SEZ6L: variants seen among roughly 807,000 people sequenced by gnomAD.
SEZ6L encodes the protein seizure 6-like protein.
In SEZ6L, 37 loss-of-function variants were observed where a neutral mutation model predicts 106.2. The ratio of observed to expected loss-of-function variants is 0.35; its 90% confidence interval spans 0.27 to 0.46. The LOEUF is 0.46. Ranked by LOEUF, SEZ6L falls within the 20% of genes least tolerant of loss-of-function variation. The pLI, the probability that SEZ6L is intolerant of heterozygous loss-of-function variation, is 1.00. For synonymous variants in SEZ6L, 541 were observed against 570.4 expected, an observed-to-expected ratio of 0.95 and a Z score of 0.73; for missense variants, 1,172 against 1,332.8, an observed-to-expected ratio of 0.88 and a Z score of 1.88.
intron 12 of SEZ6L, among the ~76,000 whole-genome samples, chr22:26,356,795 A>G (rs1289534492): frequency 6.6e-6 from 1 of 152,056 alleles, no homozygotes; most frequent in Non-Finnish European, 1.5e-5. Context: ...CCTGTTCCAC[A>G]TTGATTTTGT....
intron 1 of SEZ6L, among the ~76,000 whole-genome samples, chr22:26,272,886 T>G (rs1402798645): frequency 6.6e-6 from 1 of 152,202 alleles, no homozygotes; most frequent in Non-Finnish European, 1.5e-5. Flanking sequence ...AGTGTGTTTG[T>G]GGGTATGTGT....
At chr22:26,178,637 T>C (rs952178083) in intron 1 of SEZ6L, among the ~76,000 whole-genome samples, 2 of 152,182 alleles carry the variant, frequency 1.3e-5, no homozygotes, top group African/African-American at 4.8e-5. Flanking sequence ...GTCTCACCTA[T>C]TCCCAGTTTA....
At chr22:26,336,452 C>T (rs1010391151) in intron 9 of SEZ6L, among the ~76,000 whole-genome samples, 1 of 152,088 alleles carries the variant, frequency 6.6e-6, no homozygotes, top group African/African-American at 2.4e-5. Context: ...CCCAGACAAG[C>T]CAGACTTCAA....
At chr22:26,354,023 C>A (rs1176738339) in intron 12 of SEZ6L, among the ~76,000 whole-genome samples, 5 of 151,704 alleles carry the variant, frequency 3.3e-5, no homozygotes, top group African/African-American at 1.2e-4. Context: ...TAACTGTGAC[C>A]TTGATTGGAC....
intron 9 of SEZ6L, among the ~76,000 whole-genome samples, chr22:26,319,984 TG>T (rs1198464707): frequency 3.3e-5 from 5 of 152,296 alleles, no homozygotes; most frequent in African/African-American, 1.2e-4. Flanking sequence ...AAAGACCTTC[TG>T]GGGACATGGC....
chr22:26,377,678 G>A lies in SEZ6L; in HGVS notation c.2948G>A (p.Arg983His), dbSNP rs1386640839. The stretch of plus-strand genomic sequence containing the variant: ...CTCTCCTTTCTTTCCCCCAGATGTC[G>A]CTACTATTCCAACCTCCGCCTGCCT... ...GGAYIYITRC[R>H]YYSNLRLPLM... The change falls in exon 16 of 17, where the codon CGC becomes CAC. Residue 983 changes from arginine to histidine, a missense_variant. Coordinates refer to ENST00000248933, the MANE Select transcript of SEZ6L (RefSeq NM_021115.5). 1.6e-5 allele frequency: 25 copies of A among 1,612,242 alleles called. No homozygotes were observed. The highest frequency in any genetic ancestry group is 3.3e-5 in the South Asian group (3 of 91,028).
chr22:26,262,061 T>C (rs1276852074), intron 1 of SEZ6L, among the ~76,000 whole-genome samples: 1 of 152,000 alleles, frequency 6.6e-6, no homozygotes, highest in Non-Finnish European at 1.5e-5. Flanking sequence ...ACCATTTGGG[T>C]TTTCTCTTGT....
intron 9 of SEZ6L, among the ~76,000 whole-genome samples, chr22:26,317,011 A>G (rs1469578942): frequency 6.6e-6 from 1 of 152,174 alleles, no homozygotes; most frequent in Non-Finnish European, 1.5e-5. Flanking sequence ...TCCTACCTAC[A>G]TGATGAGAAC....
At chr22:26,329,360 C>G (rs960952926) in intron 9 of SEZ6L, among the ~76,000 whole-genome samples, 1 of 152,058 alleles carries the variant, frequency 6.6e-6, no homozygotes, top group Non-Finnish European at 1.5e-5. Flanking sequence ...TCCAGCTACT[C>G]TGGAGGCTAA....
intron 1 of SEZ6L, among the ~76,000 whole-genome samples, chr22:26,238,797 A>T (rs543327761): frequency 1.3e-5 from 2 of 152,210 alleles, no homozygotes; most frequent in Non-Finnish European, 2.9e-5. Context: ...TTAGGAAGGA[A>T]CCATGATTCA....
chr22:26,379,681 T>A (rs2084351352), intron 16 of SEZ6L, among the ~76,000 whole-genome samples: 2 of 152,228 alleles, frequency 1.3e-5, no homozygotes, highest in African/African-American at 4.8e-5. Context: ...CAATGGTAGA[T>A]CAGGGCATAT....
chr22:26,346,168 C>A lies in SEZ6L; in HGVS notation c.2213-1551C>A, dbSNP rs1054195339. Among the ~76,000 whole-genome samples the A allele has an allele frequency of 5.9e-5, 9 of 151,986 alleles. 1 individual carries two copies. The highest frequency in any genetic ancestry group is 5.2e-4 in the Admixed American group (8 of 15,250). On this transcript the variant is annotated intron_variant, in intron 10 of 16. Transcript: ENST00000248933. ...TCAGCCTCCTGAGCAGCTGGGACTA[C>A]AAACACGTGCCATCATACCTGGCTC...
chr22:26,373,892 T>A (rs962394681), intron 14 of SEZ6L, among the ~76,000 whole-genome samples: 1 of 152,220 alleles, frequency 6.6e-6, no homozygotes, highest in Non-Finnish European at 1.5e-5. Flanking sequence ...AAGCATTCAA[T>A]GGTCCATTTT....
At chr22:26,354,928 C>T (rs1014544537) in intron 12 of SEZ6L, among the ~76,000 whole-genome samples, 2 of 152,184 alleles carry the variant, frequency 1.3e-5, no homozygotes, top group Non-Finnish European at 2.9e-5. Context: ...AAGAGCCCTG[C>T]GTGTGGTGGC....
chr22:26,217,507 G>GTT (rs1191568640), intron 1 of SEZ6L, among the ~76,000 whole-genome samples: 1 of 152,216 alleles, frequency 6.6e-6, no homozygotes, highest in Non-Finnish European at 1.5e-5. Context: ...AGACCTCAGT[G>GTT]TAAGTGTCAC....
rs575114522 is a variant in SEZ6L at position 26,255,733 on chromosome 22, G to A, written c.95-36673G>A. ...AAAAGCATCCCCAGAGGCAGGAGAG[G>A]GTAACGCGCAGCAGTTGTCTATCTG... is the stretch of plus-strand genomic sequence containing the variant. On this transcript the variant is annotated intron_variant, in intron 1 of 16. Coordinates refer to ENST00000248933, the MANE Select transcript of SEZ6L (RefSeq NM_021115.5). Among the ~76,000 whole-genome samples, 174 of 152,358 alleles carry A rather than the reference G, an allele frequency of 1.1e-3. 1 individual carries two copies. The highest frequency in any genetic ancestry group is 4.1e-3 in the African/African-American group (170 of 41,594).
In SEZ6L at chr22:26,340,651, C is replaced by T. The variant is rs137893982; in HGVS notation, c.2212+19C>T. 8.8e-6 allele frequency: 14 copies of T among 1,589,130 alleles called. 1 individual carries two copies. In the East Asian group the frequency reaches 3.1e-4, roughly 36 times the overall value. ...TACATAGGTAGGTGTCTCATCTGGT[C>T]AATTTATTTTTTCTTTGTGTTTAGA... On this transcript the variant is annotated intron_variant, in intron 10 of 16. Transcript: ENST00000248933.
At chr22:26,284,028 A>C (rs1001777896) in intron 1 of SEZ6L, among the ~76,000 whole-genome samples, 3 of 152,352 alleles carry the variant, frequency 2.0e-5, no homozygotes, top group African/African-American at 7.2e-5. Flanking sequence ...AACTGTGTTC[A>C]TGATGGCTGG....
rs958879146 is a variant in SEZ6L, at chr22:26,257,172, A to G, written c.95-35234A>G. ...CTTAAAATGCACATGACAGTCTCCTATCATAAAGAATTATCCAGCCCAAAC... is the reference window on the plus strand; with the variant it reads ...CTTAAAATGCACATGACAGTCTCCTGTCATAAAGAATTATCCAGCCCAAAC... On this transcript the variant is annotated intron_variant, in intron 1 of 16. Coordinates refer to ENST00000248933, the MANE Select transcript of SEZ6L (RefSeq NM_021115.5). Among the ~76,000 whole-genome samples the G allele has an allele frequency of 2.6e-5, 4 of 152,250 alleles. 1 individual carries two copies. The East Asian group carries it at 7.7e-4, about 29-fold the overall frequency.
Sources: gnomAD v4.1 joint callset for allele counts (sites outside exome capture counted in the v4.1 genomes callset) on GRCh38, gnomAD v4.1.1 for gene constraint, MANE v1.5 for transcripts, NCBI Gene and HGNC (gene_info 2026-07-23, HGNC 2026-07-21) for gene names.